The following PHACTR2 variants were observed in gnomAD, a reference collection of about 807,000 sequenced individuals.
PHACTR2 encodes chromosome 6 open reading frame 56.
Under a neutral mutation model 76.0 loss-of-function variants are expected in PHACTR2, and 30 were observed. That is an observed-to-expected ratio of 0.39 (90% CI 0.30 to 0.54). The LOEUF (loss-of-function observed/expected upper bound fraction) is 0.54. PHACTR2 is among the 20% of genes least tolerant of loss of function. The pLI is 0.61. For missense variants in PHACTR2, 696 were observed against 781.1 expected, an observed-to-expected ratio of 0.89 and a Z score of 1.30; for synonymous variants, 292 against 292.5, an observed-to-expected ratio of 1.00 and a Z score of 0.02.
In PHACTR2 at chr6:143,824,451, T is replaced by A. The variant is rs1209288422; in HGVS notation, c.*762T>A. 1 of 152,662 alleles carries A rather than the reference T, an allele frequency of 6.6e-6. No homozygotes were observed. The highest frequency in any genetic ancestry group is 1.5e-5 in the Non-Finnish European group (1 of 68,046). The allele number at this position is 152,662 out of a possible 1,614,324, so 9.5% of individuals were successfully genotyped here. ...ATTAGCTATGCACACTTGACATTTT[T>A]AAATATCCCTTTCCTAGTGTACCAG... is the stretch of plus-strand genomic sequence containing the variant. On this transcript the variant is annotated 3_prime_UTR_variant, in exon 13 of 13. Transcript: ENST00000440869. This position sits in a 1 kb window ranked among gnomAD's most constrained non-coding sequence, Gnocchi z 6.3.
chr6:143,790,899 C>G (rs945016447), intron 11 of PHACTR2, among the ~76,000 whole-genome samples: 3 of 152,062 alleles, frequency 2.0e-5, no homozygotes, highest in African/African-American at 4.8e-5. Context: ...GGATGGTCTC[C>G]ATCTCCTGAC....
At chr6:143,702,127 CTTT>C (rs909954007) in intron 1 of PHACTR2, among the ~76,000 whole-genome samples, 184 of 105,738 alleles carry the variant, frequency 1.7e-3, no homozygotes, top group African/African-American at 5.6e-3. Flanking sequence ...GTCTTCTTTG[CTTT>C]TTTTTTTTTT....
rs959981278 is a variant in PHACTR2 at position 143,742,480 on chromosome 6, T to G, written c.215-6505T>G. 1.3e-5 allele frequency among the ~76,000 whole-genome samples: 2 copies of G among 152,238 alleles called. No individual in the cohort carries two copies. The highest frequency in any genetic ancestry group is 2.9e-5 in the Non-Finnish European group (2 of 68,040). ...TTTCCTATTGTTCCAGCAAATTTTT[T>G]GGGCCTGGATCTTATTTCTGCAACT... On this transcript the variant is annotated intron_variant, in intron 2 of 12. Coordinates refer to ENST00000440869, the MANE Select transcript of PHACTR2 (RefSeq NM_001100164.2). This position sits in a 1 kb window ranked among gnomAD's most constrained non-coding sequence, Gnocchi z 4.5.
rs1329128949 is a variant in PHACTR2 at position 143,806,592 on chromosome 6, G to T, written c.1846-465G>T. On this transcript the variant is annotated intron_variant, in intron 11 of 12. Coordinates refer to ENST00000440869, the MANE Select transcript of PHACTR2 (RefSeq NM_001100164.2). The surrounding 1 kb of genome is among the most constrained non-coding windows in gnomAD (Gnocchi z 5.8). ...CCCGCTCCCACTCCCTCTTGCCAATGGCACTTGAAGGAAGTCTATCATGGT... is the reference window on the plus strand; with the variant it reads ...CCCGCTCCCACTCCCTCTTGCCAATTGCACTTGAAGGAAGTCTATCATGGT... Among the ~76,000 whole-genome samples the T allele has an allele frequency of 6.6e-6, 1 of 152,156 alleles. No individual in the cohort carries two copies. The highest frequency in any genetic ancestry group is 1.5e-5 in the Non-Finnish European group (1 of 68,028).
rs1775558988 is a variant in PHACTR2 at position 143,580,367 on chromosome 6, C to T, written c.217+43160C>T. On this transcript the variant is annotated intron_variant, in intron 1 of 11. Coordinates refer to the PHACTR2 transcript ENST00000367584. The surrounding 1 kb of genome is among the most constrained non-coding windows in gnomAD (Gnocchi z 4.2). ...CGGCTTGGTGGCGGGCGCCTGTAGT[C>T]CCAGCTACTCTGGAGGCTGAGGCAG... 6.6e-6 allele frequency among the ~76,000 whole-genome samples: 1 copy of T among 152,220 alleles called. No homozygotes were observed. Among genetic ancestry groups the T allele is most frequent in the Admixed American group, 6.5e-5 (1 of 15,280 alleles).
chr6:143,674,359 G>A (rs759634985), upstream of PHACTR2, among the ~76,000 whole-genome samples: 9 of 151,948 alleles, frequency 5.9e-5, no homozygotes, highest in Admixed American at 1.3e-4. This position sits in a 1 kb window ranked among gnomAD's most constrained non-coding sequence, Gnocchi z 4.9. Context: ...TTTGCATATC[G>A]TTTTTAGTAT....
Position 143,755,422 on chromosome 6 carries a change from G to C in PHACTR2, c.454+1510G>C, listed in dbSNP as rs923264457. 2.2e-6 allele frequency: 1 copy of C among 452,842 alleles called. No individual in the cohort carries two copies. The highest frequency in any genetic ancestry group is 4.4e-6 in the Non-Finnish European group (1 of 224,996). 28.1% of individuals were successfully genotyped at this position (452,842 alleles called of 1,614,324 possible). A position where few individuals can be genotyped will look rare whatever the true frequency, so the allele number is the denominator to read the frequency against. On this transcript the variant is annotated intron_variant, in intron 4 of 12. Coordinates refer to ENST00000440869, the MANE Select transcript of PHACTR2 (RefSeq NM_001100164.2). This position sits in a 1 kb window ranked among gnomAD's most constrained non-coding sequence, Gnocchi z 5.2. ...GGTGCCTGGTCCGTGCAGGGTATTCGTCACTGGACTGGCCAGACATCAAAG... is the reference window on the plus strand; with the variant it reads ...GGTGCCTGGTCCGTGCAGGGTATTCCTCACTGGACTGGCCAGACATCAAAG...
In PHACTR2 at chr6:143,657,732, G is replaced by A. The variant is rs148780735; in HGVS notation, c.13+49410G>A. On this transcript the variant is annotated intron_variant, in intron 1 of 11. Transcript: ENST00000305766. ...AGTGCATCCCAGTGGGGGTACTGGC[G>A]TGAGATTGTCTGTCAGTTATCTCAA... Among the ~76,000 whole-genome samples the A allele has an allele frequency of 7.1e-4, 108 of 152,300 alleles. No individual in the cohort carries two copies. The East Asian group carries it at 0.011, about 15-fold the overall frequency.
chr6:143,815,894 G>A (rs1260300887), intron 12 of PHACTR2, among the ~76,000 whole-genome samples: 232 of 129,100 alleles, frequency 1.8e-3, no homozygotes, highest in South Asian at 2.5e-3. Context: ...TCTGTCTCAA[G>A]AAAAAAAAAA....
At position 143,708,450 on chromosome 6, in the gene PHACTR2, A is replaced by G. The variant is rs748577060; in HGVS notation, c.47-3566A>G. ...CTCTTAGTAACATAAAAATGGATCA[A>G]AATTAATGCTGAAAACAATCAGGAA... On this transcript the variant is annotated intron_variant, in intron 1 of 12. Coordinates refer to ENST00000440869, the MANE Select transcript of PHACTR2 (RefSeq NM_001100164.2). The surrounding 1 kb of genome is among the most constrained non-coding windows in gnomAD (Gnocchi z 5.5). Among the ~76,000 whole-genome samples the G allele has an allele frequency of 1.3e-5, 2 of 152,234 alleles. No individual in the cohort carries two copies. The highest frequency in any genetic ancestry group is 2.9e-5 in the Non-Finnish European group (2 of 68,034).
Position 143,733,800 on chromosome 6 carries a change from G to A in PHACTR2, c.215-15185G>A, listed in dbSNP as rs1778759379. On this transcript the variant is annotated intron_variant, in intron 2 of 12. Coordinates refer to ENST00000440869, the MANE Select transcript of PHACTR2 (RefSeq NM_001100164.2). This position sits in a 1 kb window ranked among gnomAD's most constrained non-coding sequence, Gnocchi z 4.0. ...GTTGTATTTTAATTCAACCATTTGT[G>A]TTCTTGTGTATTTCACAACAAAACC... is the stretch of plus-strand genomic sequence containing the variant. Among the ~76,000 whole-genome samples, 1 of 152,130 alleles carries A rather than the reference G, an allele frequency of 6.6e-6. No individual in the cohort carries two copies. Among genetic ancestry groups the A allele is most frequent in the Admixed American group, 6.5e-5 (1 of 15,274 alleles).
At chr6:143,813,507 A>T (rs542208333) in intron 12 of PHACTR2, among the ~76,000 whole-genome samples, 61 of 150,640 alleles carry the variant, frequency 4.0e-4, no homozygotes, top group Non-Finnish European at 7.8e-4. Context: ...AGTGCCAGCT[A>T]CTCCAGAGGC....
Position 143,633,808 on chromosome 6 carries a change from A to G in PHACTR2, c.13+25486A>G, listed in dbSNP as rs1776404901. On this transcript the variant is annotated intron_variant, in intron 1 of 11. Transcript: ENST00000305766. The surrounding 1 kb of genome is among the most constrained non-coding windows in gnomAD (Gnocchi z 4.1). ...ATTTAGATCCATAATCGATTTTGAT[A>G]TTTTATAAAGGTCTCTGTCTAGATT... 6.6e-6 allele frequency among the ~76,000 whole-genome samples: 1 copy of G among 152,142 alleles called. No individual in the cohort carries two copies. Among genetic ancestry groups the G allele is most frequent in the South Asian group, 2.1e-4 (1 of 4,822 alleles).
At position 143,546,867 on chromosome 6, in the gene PHACTR2, A is replaced by T. The variant is rs550840556; in HGVS notation, c.217+9660A>T. On this transcript the variant is annotated intron_variant, in intron 1 of 11. Transcript: ENST00000367584. The surrounding 1 kb of genome is among the most constrained non-coding windows in gnomAD (Gnocchi z 4.9). ...ATAGTGAGACCCCATCTCAAAAAAA[A>T]AAAAAATAAAAAATAAAAAATTAGC... Among the ~76,000 whole-genome samples the T allele has an allele frequency of 1.6e-3, 240 of 149,654 alleles. No individual in the cohort carries two copies. Among genetic ancestry groups the T allele is most frequent in the Middle Eastern group, 0.01 (3 of 294 alleles).
intron 1 of PHACTR2, among the ~76,000 whole-genome samples, chr6:143,609,485 T>C (rs1221790977): frequency 2.0e-5 from 3 of 151,818 alleles, no homozygotes; most frequent in Non-Finnish European, 4.4e-5. Context: ...GTAGCAGGAG[T>C]GAAGCTGGAT....
In PHACTR2 at chr6:143,557,043, A is replaced by G. The variant is rs918999252; in HGVS notation, c.217+19836A>G. 1.3e-5 allele frequency among the ~76,000 whole-genome samples: 2 copies of G among 152,170 alleles called. No homozygotes were observed. Among genetic ancestry groups the G allele is most frequent in the Non-Finnish European group, 2.9e-5 (2 of 68,024 alleles). On this transcript the variant is annotated intron_variant, in intron 1 of 11. Transcript: ENST00000367584. This position sits in a 1 kb window ranked among gnomAD's most constrained non-coding sequence, Gnocchi z 5.5. Reference sequence around the variant, plus strand: ...TAGAGAGGGCCACAGGAGCTCGCCTACCATCTCTCTCCAAAATATGTTCTC... The same window carrying G: ...TAGAGAGGGCCACAGGAGCTCGCCTGCCATCTCTCTCCAAAATATGTTCTC...
rs1562277907 is a variant in PHACTR2, at chr6:143,709,792, TA to T, written c.47-2223del. 1.3e-5 allele frequency among the ~76,000 whole-genome samples: 2 copies of T among 152,012 alleles called. No homozygotes were observed. The highest frequency in any genetic ancestry group is 6.6e-5 in the Admixed American group (1 of 15,264). ...TGCAATGATTTGGCCACCTCTGTAT[TA>T]GGGGGAAGGGGAGAGATACCCAGTT... On this transcript the variant is annotated intron_variant, in intron 1 of 12. Transcript: ENST00000440869. The surrounding 1 kb of genome is among the most constrained non-coding windows in gnomAD (Gnocchi z 4.4).
In PHACTR2 at chr6:143,570,336, A is replaced by G. The variant is rs1775432980; in HGVS notation, c.217+33129A>G. ...AGCCACCCGCTGGCCCTAATCACAA[A>G]TGTCTTTGTACTCACAGTCATCTTA... is the stretch of plus-strand genomic sequence containing the variant. On this transcript the variant is annotated intron_variant, in intron 1 of 11. Coordinates refer to the PHACTR2 transcript ENST00000367584. This position sits in a 1 kb window ranked among gnomAD's most constrained non-coding sequence, Gnocchi z 4.6. 2.0e-5 allele frequency among the ~76,000 whole-genome samples: 3 copies of G among 152,222 alleles called. No individual in the cohort carries two copies. In the South Asian group the frequency reaches 6.2e-4, roughly 32 times the overall value.
At chr6:143,667,637 A>G (rs1777063862) in intron 1 of PHACTR2, among the ~76,000 whole-genome samples, 1 of 152,166 alleles carries the variant, frequency 6.6e-6, no homozygotes, top group South Asian at 2.1e-4. Context: ...CTTCGTAGCA[A>G]TTGTGAATGG....
Sources: gnomAD v4.1 joint callset for allele counts (sites outside exome capture counted in the v4.1 genomes callset) on GRCh38, gnomAD v4.1.1 for gene constraint, Gnocchi (gnomAD v3.1) non-coding constraint, MANE v1.5 for transcripts, NCBI Gene and HGNC (gene_info 2026-07-23, HGNC 2026-07-21) for gene names.